The following CAMTA1 variants were observed in gnomAD, a reference collection of about 807,000 sequenced individuals.
CAMTA1 encodes calmodulin-binding transcription activator 1.
Under a neutral mutation model 170.9 loss-of-function variants are expected in CAMTA1, and 27 were observed. The observed-to-expected ratio is 0.16, with a 90% CI of 0.12 to 0.22. The LOEUF (loss-of-function observed/expected upper bound fraction) is 0.22, where lower values mean the gene tolerates loss of function less well. Ranked by LOEUF, CAMTA1 falls within the 10% of genes least tolerant of loss-of-function variation. The pLI is 1.00. For synonymous variants in CAMTA1, 833 were observed against 891.5 expected (o/e 0.93, Z 1.17); for missense variants, 1,619 against 2,217.2 (o/e 0.73, Z 5.42).
intron 5 of CAMTA1, among the ~76,000 whole-genome samples, chr1:7,419,851 C>T (rs946298061): frequency 6.6e-6 from 1 of 152,158 alleles, no homozygotes; most frequent in Admixed American, 6.5e-5. Flanking sequence ...CTCCACCCCC[C>T]ACCCATCAGG....
intron 4 of CAMTA1, among the ~76,000 whole-genome samples, chr1:7,134,895 A>G (rs1260032269): frequency 6.6e-6 from 1 of 152,110 alleles, no homozygotes; most frequent in Non-Finnish European, 1.5e-5. Context: ...TCCATAATGA[A>G]CTTCAACAGA....
chr1:7,607,812 C>T (rs1356768136), intron 6 of CAMTA1, among the ~76,000 whole-genome samples: 1 of 152,162 alleles, frequency 6.6e-6, no homozygotes, highest in African/African-American at 2.4e-5. Flanking sequence ...ATCCAGAAAA[C>T]AAAATCATAG....
intron 6 of CAMTA1, among the ~76,000 whole-genome samples, chr1:7,623,266 TTGAATGAA>T (rs111828628): frequency 1.5e-4 from 23 of 152,030 alleles, no homozygotes; most frequent in African/African-American, 3.4e-4. Context: ...AGCTAATCTG[TTGAATGAA>T]TGAATGAATG....
chr1:7,509,964 C>T (rs1377415522), intron 6 of CAMTA1, among the ~76,000 whole-genome samples: 1 of 151,396 alleles, frequency 6.6e-6, no homozygotes, highest in Admixed American at 6.6e-5. Context: ...TCAGTGACCA[C>T]AACCTCTGTC....
intron 6 of CAMTA1, among the ~76,000 whole-genome samples, chr1:7,477,531 G>T (rs1235369637): frequency 4.6e-5 from 7 of 152,170 alleles, no homozygotes; most frequent in Non-Finnish European, 1.0e-4. Context: ...AGACATCTTT[G>T]CCTGATTGCA....
At chr1:7,693,615 C>T (rs1391626239) in intron 11 of CAMTA1, 1 of 152,290 alleles carries the variant, frequency 6.6e-6, no homozygotes, top group Non-Finnish European at 1.5e-5. Context: ...AGATTAAAAT[C>T]AGCCAAGGGA....
At chr1:7,412,014 T>C (rs2090810015) in intron 5 of CAMTA1, among the ~76,000 whole-genome samples, 1 of 151,172 alleles carries the variant, frequency 6.6e-6, no homozygotes, top group Non-Finnish European at 1.5e-5. Flanking sequence ...CGGTGTTTGG[T>C]TTTTTGTCCT....
chr1:7,718,099 C>T (rs1241582071), intron 11 of CAMTA1, among the ~76,000 whole-genome samples: 1 of 151,952 alleles, frequency 6.6e-6, no homozygotes. Context: ...AGGCTCATAT[C>T]GTGTTGGGTT....
intron 4 of CAMTA1, among the ~76,000 whole-genome samples, chr1:7,143,499 T>A (rs1263044354): frequency 6.6e-6 from 1 of 152,192 alleles, no homozygotes; most frequent in Non-Finnish European, 1.5e-5. Context: ...CATCTCTGGG[T>A]GCAGCCTGCT....
chr1:7,045,047 C>T lies in CAMTA1; in HGVS notation c.235-46257C>T, dbSNP rs536799407. 1.4e-4 allele frequency among the ~76,000 whole-genome samples: 22 copies of T among 152,162 alleles called. 2 individuals carry two copies. The South Asian group carries it at 3.3e-3, about 23-fold the overall frequency. On this transcript the variant is annotated intron_variant, in intron 3 of 22. Coordinates refer to ENST00000303635, the MANE Select transcript of CAMTA1 (RefSeq NM_015215.4). ...AGAGTCTGGTGAAGTATAGCTTGTA[C>T]CTGAACACTGCGCAAATGAGTCTAT...
chr1:7,197,803 G>T (rs1655847345), intron 4 of CAMTA1, among the ~76,000 whole-genome samples: 1 of 152,036 alleles, frequency 6.6e-6, no homozygotes, highest in Admixed American at 6.6e-5. Context: ...AGGTCATTTA[G>T]CTGGAAGGTT....
chr1:7,109,732 C>T (rs531324043), intron 4 of CAMTA1, among the ~76,000 whole-genome samples: 20 of 152,326 alleles, frequency 1.3e-4, no homozygotes, highest in South Asian at 2.1e-4. Flanking sequence ...GCAGATGAAT[C>T]GTCCTCCCAT....
At chr1:7,162,457 T>A (rs909620567) in intron 4 of CAMTA1, among the ~76,000 whole-genome samples, 8 of 152,098 alleles carry the variant, frequency 5.3e-5, no homozygotes, top group Non-Finnish European at 1.0e-4. Context: ...AGGCACTCCC[T>A]TTTCCCCCCA....
Position 7,744,995 on chromosome 1 carries a change from A to C in CAMTA1, c.4343A>C (p.Asp1448Ala). Reference sequence around the variant, plus strand: ...CTGGCCAGTTATCTAGCGGATGCTGACTGCCTTCCCAGTGCTGCCCAGATC... The same window carrying C: ...CTGGCCAGTTATCTAGCGGATGCTGCCTGCCTTCCCAGTGCTGCCCAGATC... ...SWLASYLADADCLPSAAQIRS... is the reference protein window; with the variant it reads ...SWLASYLADAACLPSAAQIRS... The change falls in exon 17 of 23, where the codon GAC (aspartate) becomes GCC (alanine). Residue 1448 changes from aspartate (D) to alanine (A), a missense_variant. This residue lies in a region of CAMTA1 where 370 missense variants were observed against 429.4 expected (regional missense o/e 0.86). Coordinates refer to ENST00000303635, the MANE Select transcript of CAMTA1 (RefSeq NM_015215.4). 6.2e-7 allele frequency: 1 copy of C among 1,613,920 alleles called. No individual in the cohort carries two copies. The highest frequency in any genetic ancestry group is 8.5e-7 in the Non-Finnish European group (1 of 1,179,884).
chr1:7,221,002 C>T (rs1047234477), intron 4 of CAMTA1, among the ~76,000 whole-genome samples: 6 of 152,184 alleles, frequency 3.9e-5, no homozygotes, highest in African/African-American at 7.2e-5. Flanking sequence ...TGTGCCCTCA[C>T]GGGGAATTCC....
chr1:7,261,457 A>G (rs1471553209), intron 5 of CAMTA1, among the ~76,000 whole-genome samples: 1 of 152,232 alleles, frequency 6.6e-6, no homozygotes. Flanking sequence ...AAAGACTAAG[A>G]GTAACTATTA....
At chr1:7,712,314 A>C (rs1160379010) in intron 11 of CAMTA1, among the ~76,000 whole-genome samples, 1 of 151,854 alleles carries the variant, frequency 6.6e-6, no homozygotes, top group Non-Finnish European at 1.5e-5. Flanking sequence ...AACATTATTC[A>C]TTATAATTAC....
intron 4 of CAMTA1, among the ~76,000 whole-genome samples, chr1:7,100,914 G>A (rs1010013975): frequency 2.0e-5 from 3 of 152,278 alleles, no homozygotes; most frequent in South Asian, 2.1e-4. Flanking sequence ...AAAAGCCTTC[G>A]CGGCAGAGGC....
At chr1:7,262,242 C>A (rs1433455614) in intron 5 of CAMTA1, among the ~76,000 whole-genome samples, 1 of 152,142 alleles carries the variant, frequency 6.6e-6, no homozygotes, top group Non-Finnish European at 1.5e-5. Context: ...ACTGCTCATT[C>A]TTTCATCACT....
Sources: gnomAD v4.1 joint callset for allele counts (sites outside exome capture counted in the v4.1 genomes callset) on GRCh38, gnomAD v4.1.1 for gene constraint, gnomAD v4.1.1 regional missense constraint, MANE v1.5 for transcripts, NCBI Gene and HGNC (gene_info 2026-07-23, HGNC 2026-07-21) for gene names.